ATRNL1: variants seen among roughly 807,000 people sequenced by gnomAD.
The protein encoded by ATRNL1 is attractin like 1, also known as attractin-like protein 1.
In ATRNL1, 95 loss-of-function variants were observed where a neutral mutation model predicts 182.7. The observed-to-expected ratio is 0.52, with a 90% CI of 0.44 to 0.62. The LOEUF is 0.62. Among genes scored for constraint, ATRNL1 ranks in the 20% least tolerant of loss-of-function variants. ATRNL1 has a pLI of 0.00. For synonymous variants in ATRNL1, 576 were observed against 568.3 expected (o/e 1.01, Z -0.19); for missense variants, 1,471 against 1,679.5 (o/e 0.88, Z 2.17).
At chr10:115,185,918 C>T (rs1847922515) in intron 8 of ATRNL1, among the ~76,000 whole-genome samples, 1 of 152,000 alleles carries the variant, frequency 6.6e-6, no homozygotes, top group Non-Finnish European at 1.5e-5. Context: ...CAAACCAGTT[C>T]TGTAAAAGTT....
At chr10:115,113,480 G>A (rs962771296) in intron 1 of ATRNL1, among the ~76,000 whole-genome samples, 9 of 152,088 alleles carry the variant, frequency 5.9e-5, no homozygotes, top group African/African-American at 2.2e-4. Flanking sequence ...GAATTACCAC[G>A]TGTTGTGGGA....
intron 21 of ATRNL1, among the ~76,000 whole-genome samples, chr10:115,453,563 T>C (rs1847376309): frequency 6.6e-6 from 1 of 152,146 alleles, no homozygotes; most frequent in Non-Finnish European, 1.5e-5. Context: ...TGTTTGCTTT[T>C]GTTGCCTGTG....
intron 19 of ATRNL1, 151 bp from the exon 20 acceptor site, chr10:115,394,508 A>G: frequency 1.7e-6 from 1 of 600,832 alleles, no homozygotes; most frequent in South Asian, 2.1e-5. Context: ...CCCTTTAATT[A>G]AAAATAATTT....
intron 9 of ATRNL1, among the ~76,000 whole-genome samples, chr10:115,229,116 A>C (rs1849821281): frequency 6.6e-6 from 1 of 152,082 alleles, no homozygotes; most frequent in African/African-American, 2.4e-5. Flanking sequence ...AGTGAATCTA[A>C]TGGTAATGCT....
chr10:115,843,852 A>G (rs1383275782), intron 27 of ATRNL1, among the ~76,000 whole-genome samples: 3 of 152,060 alleles, frequency 2.0e-5, no homozygotes, highest in East Asian at 1.9e-4. Flanking sequence ...ATTACAGGCA[A>G]TATAGCATAA....
At chr10:115,324,455 G>A (rs1178012004) in intron 18 of ATRNL1, among the ~76,000 whole-genome samples, 2 of 152,162 alleles carry the variant, frequency 1.3e-5, no homozygotes, top group Non-Finnish European at 2.9e-5. Context: ...AACCTGGGTT[G>A]TGGATGTATC....
chr10:115,447,740 C>A (rs1460266664), intron 21 of ATRNL1, among the ~76,000 whole-genome samples: 1 of 151,756 alleles, frequency 6.6e-6, no homozygotes, highest in Non-Finnish European at 1.5e-5. Context: ...GAATTAAAAT[C>A]CTTACACATT....
chr10:115,558,343 T>G (rs1853448627), intron 26 of ATRNL1, among the ~76,000 whole-genome samples: 1 of 152,150 alleles, frequency 6.6e-6, no homozygotes, highest in African/African-American at 2.4e-5. Flanking sequence ...TTCTGGGTTT[T>G]AAGTACCCAA....
chr10:115,863,846 T>G (rs1555104040), intron 28 of ATRNL1, among the ~76,000 whole-genome samples: 1 of 152,300 alleles, frequency 6.6e-6, no homozygotes, highest in South Asian at 2.1e-4. Flanking sequence ...CAAGATAAGC[T>G]TGGAATATCT....
At chr10:115,343,674 G>T (rs1855849817) in intron 19 of ATRNL1, among the ~76,000 whole-genome samples, 1 of 152,066 alleles carries the variant, frequency 6.6e-6, no homozygotes, top group Non-Finnish European at 1.5e-5. Context: ...TTCCTGGATG[G>T]TGTTGATGCT....
chr10:115,364,120 T>G (rs1554945143), intron 19 of ATRNL1, among the ~76,000 whole-genome samples: 1 of 144,470 alleles, frequency 6.9e-6, no homozygotes, highest in African/African-American at 2.5e-5. Context: ...AGTATGGGCA[T>G]TTTCACGATA....
intron 8 of ATRNL1, among the ~76,000 whole-genome samples, chr10:115,199,804 TC>T (rs1564814938): frequency 6.6e-6 from 1 of 152,152 alleles, no homozygotes; most frequent in Non-Finnish European, 1.5e-5. Flanking sequence ...TAAACTATTT[TC>T]AAGAATTAAC....
chr10:115,414,019 C>T (rs1218340830), intron 20 of ATRNL1, among the ~76,000 whole-genome samples: 1 of 152,008 alleles, frequency 6.6e-6, no homozygotes, highest in Non-Finnish European at 1.5e-5. Context: ...ACTTCCAATT[C>T]GGATCTATTT....
At chr10:115,326,284 C>CCAA (rs1772466829) in intron 18 of ATRNL1, among the ~76,000 whole-genome samples, 1 of 152,026 alleles carries the variant, frequency 6.6e-6, no homozygotes, top group African/African-American at 2.4e-5. Flanking sequence ...TTCTTATACA[C>CCAA]CAATAACAGA....
intron 28 of ATRNL1, among the ~76,000 whole-genome samples, chr10:115,877,160 G>A (rs1416384781): frequency 2.0e-5 from 3 of 152,176 alleles, no homozygotes; most frequent in South Asian, 2.1e-4. Context: ...TGGGAAGAAG[G>A]CATTTATCTG....
intron 8 of ATRNL1, 33 bp downstream of exon 8, chr10:115,171,325 G>T: frequency 6.7e-7 from 1 of 1,500,318 alleles, no homozygotes; most frequent in South Asian, 1.3e-5. Context: ...TTTCTTTATT[G>T]ATTGGGAATG....
intron 19 of ATRNL1, among the ~76,000 whole-genome samples, chr10:115,389,497 T>C (rs1371547917): frequency 1.8e-5 from 1 of 56,728 alleles, no homozygotes; most frequent in African/African-American, 7.2e-5. Context: ...CGAGACTCCG[T>C]CTCAAAAAAA....
chr10:115,595,779 T>C (rs1482234900), intron 26 of ATRNL1, among the ~76,000 whole-genome samples: 1 of 34,134 alleles, frequency 2.9e-5, no homozygotes, highest in Non-Finnish European at 6.6e-5. Flanking sequence ...TGTTACAATT[T>C]GGTCTCAATT....
At chr10:115,798,385 T>A (rs1949709558) in intron 27 of ATRNL1, among the ~76,000 whole-genome samples, 1 of 152,198 alleles carries the variant, frequency 6.6e-6, no homozygotes, top group Non-Finnish European at 1.5e-5. Context: ...CAAAGCTCTC[T>A]GCTCCCCATA....
Sources: gnomAD v4.1 joint callset for allele counts (sites outside exome capture counted in the v4.1 genomes callset) on GRCh38, gnomAD v4.1.1 for gene constraint, MANE v1.5 for transcripts, NCBI Gene and HGNC (gene_info 2026-07-23, HGNC 2026-07-21) for gene names.